The following CALN1 variants were observed in gnomAD, a reference collection of about 807,000 sequenced individuals.
The protein encoded by CALN1 is calcium-binding protein 8.
In CALN1, 17 loss-of-function variants were observed where a neutral mutation model predicts 30.6. That is an observed-to-expected ratio of 0.56 (90% confidence interval 0.38 to 0.83). The LOEUF (loss-of-function observed/expected upper bound fraction) is 0.83. Among genes scored for constraint, CALN1 ranks in the 40% least tolerant of loss-of-function variants. CALN1 has a pLI of 0.00. For synonymous variants in CALN1, 156 were observed against 131.4 expected, an observed-to-expected ratio of 1.19 and a Z score of -1.28; for missense variants, 291 against 354.9, an observed-to-expected ratio of 0.82 and a Z score of 1.45.
intron 3 of CALN1, among the ~76,000 whole-genome samples, chr7:72,142,666 C>T (rs1185757840): frequency 2.6e-5 from 4 of 152,206 alleles, no homozygotes. Context: ...TGAGAATGAA[C>T]AGACTGCCTC....
chr7:71,893,253 G>A (rs1423836661), intron 5 of CALN1, among the ~76,000 whole-genome samples: 1 of 152,100 alleles, frequency 6.6e-6, no homozygotes, highest in Non-Finnish European at 1.5e-5. Context: ...GCGTTTAGTG[G>A]GTAGAGGCTA....
intron 5 of CALN1, among the ~76,000 whole-genome samples, chr7:71,935,702 C>T (rs1482309823): frequency 6.6e-6 from 1 of 152,166 alleles, no homozygotes; most frequent in Non-Finnish European, 1.5e-5. Flanking sequence ...GCCTGGGCAA[C>T]AAGAGCGAAA....
At chr7:72,190,466 C>G (rs778805747) in intron 3 of CALN1, among the ~76,000 whole-genome samples, 14 of 152,190 alleles carry the variant, frequency 9.2e-5, no homozygotes, top group Non-Finnish European at 2.1e-4. Flanking sequence ...ATTTCCCAGA[C>G]TTATTTGACT....
chr7:72,368,439 G>A (rs1804013071), intron 2 of CALN1, among the ~76,000 whole-genome samples: 2 of 151,844 alleles, frequency 1.3e-5, no homozygotes, highest in South Asian at 4.2e-4. Context: ...ATGGGATTCT[G>A]CACGACTTTG....
chr7:71,823,866 T>C (rs550170469), intron 5 of CALN1, among the ~76,000 whole-genome samples: 7 of 152,306 alleles, frequency 4.6e-5, no homozygotes, highest in Admixed American at 3.9e-4. Flanking sequence ...AAGGGACTTC[T>C]TATATGGTGG....
intron 4 of CALN1, among the ~76,000 whole-genome samples, chr7:72,055,615 C>A (rs1040363639): frequency 6.6e-6 from 1 of 152,004 alleles, no homozygotes; most frequent in Non-Finnish European, 1.5e-5. Context: ...GCAACAAATA[C>A]AGAGGAGATA....
chr7:71,965,410 C>T (rs1175661946), intron 5 of CALN1, among the ~76,000 whole-genome samples: 2 of 152,100 alleles, frequency 1.3e-5, no homozygotes, highest in Non-Finnish European at 2.9e-5. Context: ...TAGTGTGAGT[C>T]CTAGAAAGAA....
intron 3 of CALN1, among the ~76,000 whole-genome samples, chr7:72,117,981 A>C (rs1310615093): frequency 6.6e-6 from 1 of 151,950 alleles, no homozygotes; most frequent in Non-Finnish European, 1.5e-5. Flanking sequence ...AAAAAAAAAA[A>C]AGAATCACTG....
intron 3 of CALN1, among the ~76,000 whole-genome samples, chr7:72,264,240 CTTTT>C (rs1436401091): frequency 6.6e-5 from 10 of 152,064 alleles, no homozygotes; most frequent in Non-Finnish European, 1.0e-4. Context: ...AATCAATCTG[CTTTT>C]TTTGTTTTCT....
At chr7:72,334,983 A>T (rs1234978808) in intron 2 of CALN1, among the ~76,000 whole-genome samples, 5 of 152,066 alleles carry the variant, frequency 3.3e-5, no homozygotes, top group Non-Finnish European at 5.9e-5. Context: ...TTGGTAGAAG[A>T]CCCCACCAAC....
At chr7:71,973,410 A>T (rs2129526528) in intron 5 of CALN1, among the ~76,000 whole-genome samples, 1 of 152,306 alleles carries the variant, frequency 6.6e-6, no homozygotes, top group South Asian at 2.1e-4. Context: ...TCCTGACCTC[A>T]GGTGTTCCAT....
At chr7:71,872,234 C>T (rs1196960869) in intron 5 of CALN1, among the ~76,000 whole-genome samples, 1 of 152,142 alleles carries the variant, frequency 6.6e-6, no homozygotes, top group Non-Finnish European at 1.5e-5. Flanking sequence ...AGCATGCACC[C>T]TCCATAAGGG....
intron 3 of CALN1, among the ~76,000 whole-genome samples, chr7:72,106,581 T>C (rs1177598390): frequency 9.8e-6 from 1 of 101,914 alleles, no homozygotes; most frequent in Non-Finnish European, 2.0e-5. Flanking sequence ...AAGAGGAAGG[T>C]GGAAGGGAGA....
intron 6 of CALN1, among the ~76,000 whole-genome samples, chr7:71,790,406 A>C (rs1248151666): frequency 7.1e-6 from 1 of 141,478 alleles, no homozygotes; most frequent in Non-Finnish European, 1.5e-5. Context: ...GAAAGAAAGA[A>C]AGAAAGAAAG....
intron 2 of CALN1, among the ~76,000 whole-genome samples, chr7:72,297,090 T>C (rs1020409035): frequency 3.9e-5 from 6 of 152,332 alleles, no homozygotes; most frequent in East Asian, 1.9e-4. Flanking sequence ...CTCTACACAC[T>C]GCTTTGAATG....
intron 3 of CALN1, among the ~76,000 whole-genome samples, chr7:72,123,419 T>C (rs1023297857): frequency 2.0e-5 from 3 of 152,318 alleles, no homozygotes; most frequent in Middle Eastern, 3.4e-3. Flanking sequence ...GTGATTTTTT[T>C]CCCATTTTAA....
intron 2 of CALN1, among the ~76,000 whole-genome samples, chr7:72,369,864 ACC>A (rs1804116080): frequency 6.6e-6 from 1 of 152,142 alleles, no homozygotes; most frequent in East Asian, 1.9e-4. Flanking sequence ...TAATCCACTA[ACC>A]TATTGATGGA....
In CALN1 at chr7:71,924,566, A is replaced by C. The variant is rs189026007; in HGVS notation, c.501+99091T>G. Among the ~76,000 whole-genome samples, 704 of 152,280 alleles carry C rather than the reference A, an allele frequency of 4.6e-3. 4 individuals are homozygous for C. Among genetic ancestry groups the C allele is most frequent in the Non-Finnish European group, 4.6e-3 (314 of 68,024 alleles). On this transcript the variant is annotated intron_variant, in intron 5 of 6. Coordinates refer to ENST00000395275, the MANE Select transcript of CALN1 (RefSeq NM_031468.4). ...TTCCAATCCATGCTATCTCAGATAA[A>C]ACAATATCTGAGGTTTGTGTTCCTA...
intron 2 of CALN1, among the ~76,000 whole-genome samples, chr7:72,335,517 C>T (rs2129558404): frequency 2.0e-5 from 3 of 152,296 alleles, no homozygotes; most frequent in African/African-American, 7.2e-5. Context: ...TTATTATCAC[C>T]ACTAAACAGA....
Sources: gnomAD v4.1 joint callset for allele counts (sites outside exome capture counted in the v4.1 genomes callset) on GRCh38, gnomAD v4.1.1 for gene constraint, MANE v1.5 for transcripts, NCBI Gene and HGNC (gene_info 2026-07-23, HGNC 2026-07-21) for gene names.